SLC9A9: variants seen among roughly 807,000 people sequenced by gnomAD.
SLC9A9 encodes sodium/hydrogen exchanger 9.
A neutral mutation model predicts 77.8 loss-of-function variants in SLC9A9; 62 were observed. The ratio of observed to expected loss-of-function variants is 0.80; its 90% CI spans 0.65 to 0.98. The LOEUF is 0.98. Among genes scored for constraint, SLC9A9 ranks in the 50% least tolerant of loss-of-function variants. The pLI is 0.00. For missense variants in SLC9A9, 775 were observed against 774.9 expected, an observed-to-expected ratio of 1.00 and a Z score of 0.00; for synonymous variants, 320 against 283.5, an observed-to-expected ratio of 1.13 and a Z score of -1.29.
At chr3:143,632,253 C>CT in intron 6 of SLC9A9, among the ~76,000 whole-genome samples, 1 of 152,070 alleles carries the variant, frequency 6.6e-6, no homozygotes, top group Admixed American at 6.6e-5. Flanking sequence ...AGGCAGATGA[C>CT]TTAGAGGGAA....
chr3:143,505,621 A>G (rs2036001213), intron 9 of SLC9A9, among the ~76,000 whole-genome samples: 1 of 152,126 alleles, frequency 6.6e-6, no homozygotes, highest in African/African-American at 2.4e-5. Context: ...CTTGCTACCC[A>G]GCCCTCTCCT....
intron 4 of SLC9A9, among the ~76,000 whole-genome samples, chr3:143,714,626 T>A (rs909514016): frequency 6.6e-6 from 1 of 152,180 alleles, no homozygotes; most frequent in Non-Finnish European, 1.5e-5. Flanking sequence ...TACTAGTACG[T>A]CAAACGCCAA....
chr3:143,477,819 T>C (rs2035506237), intron 11 of SLC9A9, among the ~76,000 whole-genome samples: 1 of 152,200 alleles, frequency 6.6e-6, no homozygotes, highest in Admixed American at 6.5e-5. Flanking sequence ...GTTATCCCTA[T>C]TGACTCACCT....
intron 1 of SLC9A9, among the ~76,000 whole-genome samples, chr3:143,838,572 G>C (rs998614346): frequency 6.6e-6 from 1 of 152,166 alleles, no homozygotes; most frequent in South Asian, 2.1e-4. Context: ...AGAGGACATG[G>C]AGAGGAAGTT....
intron 14 of SLC9A9, among the ~76,000 whole-genome samples, chr3:143,284,112 G>A (rs997014767): frequency 1.3e-5 from 2 of 151,044 alleles, no homozygotes; most frequent in Non-Finnish European, 2.9e-5. Flanking sequence ...TGTCCTGCTT[G>A]CCTTGCCACA....
chr3:143,561,934 C>A (rs1199543306), intron 8 of SLC9A9, among the ~76,000 whole-genome samples: 1 of 152,210 alleles, frequency 6.6e-6, no homozygotes, highest in Non-Finnish European at 1.5e-5. Flanking sequence ...TTCCCTTCAC[C>A]TTTAACTCCT....
intron 12 of SLC9A9, among the ~76,000 whole-genome samples, chr3:143,417,327 A>G (rs1246658779): frequency 6.6e-6 from 1 of 152,072 alleles, no homozygotes; most frequent in East Asian, 1.9e-4. Flanking sequence ...CAAAGTTTAC[A>G]TGTTGAATTC....
intron 6 of SLC9A9, among the ~76,000 whole-genome samples, chr3:143,617,874 C>T (rs530669870): frequency 2.2e-4 from 34 of 152,330 alleles, no homozygotes; most frequent in Admixed American, 7.8e-4. Context: ...GATCCTGAGA[C>T]GCCAGGCAGC....
At chr3:143,774,273 G>C (rs1310850471) in intron 4 of SLC9A9, among the ~76,000 whole-genome samples, 2 of 152,204 alleles carry the variant, frequency 1.3e-5, no homozygotes. Flanking sequence ...GTCTGGGAAA[G>C]GTGTGTGGGA....
intron 12 of SLC9A9, among the ~76,000 whole-genome samples, chr3:143,403,954 T>A (rs1292113270): frequency 6.6e-6 from 1 of 152,150 alleles, no homozygotes; most frequent in Non-Finnish European, 1.5e-5. Flanking sequence ...ATTACACACA[T>A]GTTGGTGTTC....
intron 8 of SLC9A9, among the ~76,000 whole-genome samples, chr3:143,571,289 G>A (rs1316748389): frequency 6.6e-6 from 1 of 152,248 alleles, no homozygotes. Flanking sequence ...TTAGTTTACT[G>A]TATTCATTGT....
chr3:143,795,012 G>A lies in SLC9A9; in HGVS notation c.522C>T (p.Cys174=). ...CGAATGTCACTTACCCTATGACGATGCAGGAGATGGCAGTTCCCAAGAAGG... is the reference window on the plus strand; with the variant it reads ...CGAATGTCACTTACCCTATGACGATACAGGAGATGGCAGTTCCCAAGAAGG... ...TYAFLGTAIS[C]IVIGLIMYGF... The change falls in exon 4 of 16, where the codon TGC becomes TGT. Residue 174 remains cysteine (C), a synonymous_variant. Coordinates refer to ENST00000316549, the MANE Select transcript of SLC9A9 (RefSeq NM_173653.4). The A allele has an allele frequency of 1.2e-6, 2 of 1,613,926 alleles. No homozygotes were observed. Among genetic ancestry groups the A allele is most frequent in the Non-Finnish European group, 1.7e-6 (2 of 1,179,876 alleles).
intron 1 of SLC9A9, among the ~76,000 whole-genome samples, chr3:143,839,603 G>A (rs1011355067): frequency 3.3e-5 from 5 of 151,866 alleles, no homozygotes; most frequent in African/African-American, 1.2e-4. Context: ...CAACACACAT[G>A]CAAGCACATA....
At chr3:143,500,330 A>C (rs1475533048) in intron 9 of SLC9A9, among the ~76,000 whole-genome samples, 1 of 152,108 alleles carries the variant, frequency 6.6e-6, no homozygotes, top group Non-Finnish European at 1.5e-5. Flanking sequence ...GTTATTAGGA[A>C]ATTGTGTTAC....
intron 6 of SLC9A9, among the ~76,000 whole-genome samples, chr3:143,640,019 CTTTTTTTTTT>C (rs10575577): frequency 2.8e-4 from 35 of 124,140 alleles, no homozygotes; most frequent in Admixed American, 8.4e-5. Context: ...CTTTTTTTTT[CTTTTTTTTTT>C]TTTTTTTTTT....
chr3:143,375,839 A>G (rs571420937), intron 13 of SLC9A9, among the ~76,000 whole-genome samples: 31 of 152,214 alleles, frequency 2.0e-4, no homozygotes, highest in Non-Finnish European at 3.5e-4. Flanking sequence ...TCTCTGACTC[A>G]TAGCTTATAG....
intron 5 of SLC9A9, among the ~76,000 whole-genome samples, chr3:143,669,037 C>A (rs901732191): frequency 7.2e-5 from 11 of 152,128 alleles, no homozygotes; most frequent in Non-Finnish European, 1.5e-5. Context: ...ATCCTAGGTA[C>A]CTTTCTCTTA....
intron 5 of SLC9A9, among the ~76,000 whole-genome samples, chr3:143,669,500 C>A (rs2039125422): frequency 6.6e-6 from 1 of 152,148 alleles, no homozygotes; most frequent in African/African-American, 2.4e-5. Context: ...ACACCTGGAG[C>A]CTTGCTTGAT....
chr3:143,604,923 G>T (rs1156254192), intron 6 of SLC9A9, among the ~76,000 whole-genome samples: 1 of 152,168 alleles, frequency 6.6e-6, no homozygotes, highest in African/African-American at 2.4e-5. Context: ...TTCAATGAGG[G>T]CCCCTCCGGT....
Sources: gnomAD v4.1 joint callset for allele counts (sites outside exome capture counted in the v4.1 genomes callset) on GRCh38, gnomAD v4.1.1 for gene constraint, MANE v1.5 for transcripts, NCBI Gene and HGNC (gene_info 2026-07-23, HGNC 2026-07-21) for gene names.